The following CACNA2D4 variants were observed in gnomAD, a reference collection of about 807,000 sequenced individuals.
CACNA2D4 encodes calcium voltage-gated channel auxiliary subunit alpha2delta 4, also known as voltage-dependent calcium channel subunit alpha-2/delta-4.
In CACNA2D4, 157 loss-of-function variants were observed where a neutral mutation model predicts 163.8. The ratio of observed to expected loss-of-function variants is 0.96; its 90% CI spans 0.84 to 1.09. CACNA2D4 has a LOEUF of 1.09. Among genes scored for constraint, CACNA2D4 ranks in the 50% least tolerant of loss-of-function variants. CACNA2D4 has a pLI of 0.00. For missense variants in CACNA2D4, 1,410 were observed against 1,479.9 expected, an observed-to-expected ratio of 0.95 and a Z score of 0.78; for synonymous variants, 598 against 586.9, an observed-to-expected ratio of 1.02 and a Z score of -0.27.
At chr12:1,831,575 C>G (rs1480939110) in intron 26 of CACNA2D4, 2 of 1,469,330 alleles carry the variant, frequency 1.4e-6, no homozygotes, top group Non-Finnish European at 1.9e-6. Context: ...ACGATCACCT[C>G]TGGCCCCACA....
intron 13 of CACNA2D4, among the ~76,000 whole-genome samples, chr12:1,881,139 G>C (rs1317491396): frequency 6.6e-6 from 1 of 152,214 alleles, no homozygotes; most frequent in Non-Finnish European, 1.5e-5. Flanking sequence ...GAGAGGGAAG[G>C]AGGAAGACAG....
At chr12:1,809,927 C>T (rs1378134374) in intron 29 of CACNA2D4, among the ~76,000 whole-genome samples, 2 of 152,158 alleles carry the variant, frequency 1.3e-5, no homozygotes, top group African/African-American at 4.8e-5. Flanking sequence ...GTGCTTGGAT[C>T]CTTGTGGGGA....
chr12:1,896,740 C>T (rs1368079507), intron 6 of CACNA2D4, among the ~76,000 whole-genome samples: 1 of 151,560 alleles, frequency 6.6e-6, no homozygotes, highest in Non-Finnish European at 1.5e-5. Context: ...CTATGGAAAA[C>T]AATATGGTGA....
At chr12:1,840,263 G>C (rs1864984605) in intron 26 of CACNA2D4, among the ~76,000 whole-genome samples, 1 of 151,940 alleles carries the variant, frequency 6.6e-6, no homozygotes, top group African/African-American at 2.4e-5. Flanking sequence ...ATTGATAAAA[G>C]ACCTAGAATA....
At chr12:1,816,829 T>C (rs1426877724) in intron 26 of CACNA2D4, among the ~76,000 whole-genome samples, 2 of 151,698 alleles carry the variant, frequency 1.3e-5, no homozygotes, top group Middle Eastern at 3.2e-3. Context: ...TGCACACACA[T>C]ACCCATGCAC....
intron 18 of CACNA2D4, among the ~76,000 whole-genome samples, chr12:1,866,021 C>A (rs1180417991): frequency 6.6e-6 from 1 of 152,146 alleles, no homozygotes; most frequent in Non-Finnish European, 1.5e-5. Flanking sequence ...TCTTGCCTTA[C>A]TGCAGGGGCT....
At chr12:1,898,134 T>A (rs1295668480) in intron 6 of CACNA2D4, among the ~76,000 whole-genome samples, 1 of 151,952 alleles carries the variant, frequency 6.6e-6, no homozygotes, top group Admixed American at 6.6e-5. Flanking sequence ...ATGGAAGAAA[T>A]CACAAAGAAA....
At chr12:1,884,175 A>T in intron 12 of CACNA2D4, 68 bp downstream of exon 12, 1 of 1,462,996 alleles carries the variant, frequency 6.8e-7, no homozygotes, top group Non-Finnish European at 9.5e-7. Context: ...CAGCACTTCC[A>T]GGGCTGGGTA....
intron 8 of CACNA2D4, 84 bp downstream of exon 8, chr12:1,886,139 G>T (rs1034793432): frequency 2.6e-6 from 4 of 1,556,926 alleles, no homozygotes; most frequent in East Asian, 2.2e-5. Flanking sequence ...TCACCGGGTG[G>T]TCAGGGGTTG....
chr12:1,888,553 T>C (rs1404813645), intron 6 of CACNA2D4, among the ~76,000 whole-genome samples: 1 of 151,992 alleles, frequency 6.6e-6, no homozygotes, highest in Non-Finnish European at 1.5e-5. Flanking sequence ...GAAGAACACA[T>C]AATACAAAGA....
rs531377972 is a variant in CACNA2D4, at chr12:1,871,311, C to T, written c.1878+3293G>A. On this transcript the variant is annotated intron_variant, in intron 18 of 37. Transcript: ENST00000382722. ...TGTATGTTGCTGGTGTGTGTGTATA[C>T]GTGTGTGCTGCTAGTGTGTGCATGT... Among the ~76,000 whole-genome samples, 12 of 139,566 alleles carry T rather than the reference C, an allele frequency of 8.6e-5. No individual in the cohort carries two copies. The East Asian group carries it at 1.1e-3, about 13-fold the overall frequency. 91.6% of individuals were successfully genotyped at this position (139,566 alleles called of 152,430 possible).
At chr12:1,884,388 T>C (rs2154449718) in intron 11 of CACNA2D4, 67 bp from the exon 12 acceptor site, 1 of 1,296,878 alleles carries the variant, frequency 7.7e-7, no homozygotes, top group Non-Finnish European at 1.1e-6. Context: ...TAACATTGTT[T>C]ATATGAGTCT....
intron 18 of CACNA2D4, among the ~76,000 whole-genome samples, chr12:1,867,352 C>T (rs1196825252): frequency 6.6e-6 from 1 of 151,924 alleles, no homozygotes; most frequent in African/African-American, 2.4e-5. Flanking sequence ...CCACTTGATA[C>T]CATCTCACAG....
intron 18 of CACNA2D4, among the ~76,000 whole-genome samples, chr12:1,864,482 T>C (rs1003979187): frequency 2.6e-5 from 4 of 152,208 alleles, no homozygotes; most frequent in African/African-American, 4.8e-5. Flanking sequence ...ATGAAGCACA[T>C]TTGAGAAATG....
chr12:1,859,988 G>C (rs999279170), intron 19 of CACNA2D4, among the ~76,000 whole-genome samples, 157 bp downstream of exon 19: 2 of 152,182 alleles, frequency 1.3e-5, no homozygotes, highest in Non-Finnish European at 1.5e-5. Context: ...TCTGGAACCT[G>C]CATTCTAGGC....
intron 18 of CACNA2D4, among the ~76,000 whole-genome samples, chr12:1,873,246 C>T (rs927629752): frequency 1.1e-4 from 17 of 152,160 alleles, no homozygotes; most frequent in African/African-American, 3.1e-4. Context: ...TCATGATCGT[C>T]GTCATCCTCA....
chr12:1,909,620 C>T (rs1267910329), intron 4 of CACNA2D4, among the ~76,000 whole-genome samples: 13 of 152,244 alleles, frequency 8.5e-5, no homozygotes, highest in Non-Finnish European at 1.5e-4. Flanking sequence ...AGTTTGGGGG[C>T]AGACCTCCTC....
intron 26 of CACNA2D4, among the ~76,000 whole-genome samples, chr12:1,817,327 C>T (rs1202788774): frequency 1.3e-5 from 2 of 152,196 alleles, no homozygotes; most frequent in African/African-American, 2.4e-5. Flanking sequence ...TCTGGGTCCC[C>T]TGATGCCCAG....
intron 22 of CACNA2D4, among the ~76,000 whole-genome samples, chr12:1,854,554 C>T (rs1865360432): frequency 6.6e-6 from 1 of 152,150 alleles, no homozygotes; most frequent in African/African-American, 2.4e-5. Flanking sequence ...CACAGGTGCA[C>T]ACCACCACAC....
Sources: gnomAD v4.1 joint callset for allele counts (sites outside exome capture counted in the v4.1 genomes callset) on GRCh38, gnomAD v4.1.1 for gene constraint, MANE v1.5 for transcripts, NCBI Gene and HGNC (gene_info 2026-07-23, HGNC 2026-07-21) for gene names.